CSDE1: variants seen among roughly 807,000 people sequenced by gnomAD.
CSDE1 encodes cold shock domain-containing protein E1.
In CSDE1, 17 loss-of-function variants were observed where a neutral mutation model predicts 89.3. The ratio of observed to expected loss-of-function variants is 0.19; its 90% CI spans 0.13 to 0.29. The LOEUF (loss-of-function observed/expected upper bound fraction) is 0.29, where lower values mean the gene tolerates loss of function less well. Among genes scored for constraint, CSDE1 ranks in the 10% least tolerant of loss-of-function variants. The pLI is 1.00. For missense variants in CSDE1, 672 were observed against 984.2 expected (o/e 0.68, Z 4.24); for synonymous variants, 322 against 332.8 (o/e 0.97, Z 0.35).
At position 114,720,737 on chromosome 1, in the gene CSDE1, T is replaced by G; in HGVS notation, c.1874-20A>C. 1 of 1,611,516 alleles carries G rather than the reference T, an allele frequency of 6.2e-7. No homozygotes were observed. The highest frequency in any genetic ancestry group is 8.5e-7 in the Non-Finnish European group (1 of 1,178,152). ...TATCGCCTGTAAAACAGGTACAAAG[T>G]CTAAAAGCTAGTATTTCACAACAGT... On this transcript the variant is annotated intron_variant, in intron 16 of 19. Coordinates refer to ENST00000358528, the MANE Select transcript of CSDE1 (RefSeq NM_001007553.3).
chr1:114,723,755 A>G (rs1659653155), intron 16 of CSDE1, 128 bp downstream of exon 16: 7 of 1,276,746 alleles, frequency 5.5e-6, no homozygotes, highest in African/African-American at 1.5e-5. Context: ...AGCATGAGAG[A>G]GGTCACTTTT....
At chr1:114,726,667 A>G (rs530537500) in intron 13 of CSDE1, among the ~76,000 whole-genome samples, 10 of 152,366 alleles carry the variant, frequency 6.6e-5, no homozygotes, top group African/African-American at 2.2e-4. Context: ...AAAATGAACA[A>G]CAACGTAAAA....
At position 114,719,618 on chromosome 1, in the gene CSDE1, C is replaced by T. The variant is rs760135633; in HGVS notation, c.2177G>A (p.Arg726His). ...ATTACAGGCGCTGCACTTGCCAGTG[C>T]GCTGATTAAGAATCACTGAGAACTC... ...EVEFSVILNQRTGKCSACNVW... is the reference protein window; with the variant it reads ...EVEFSVILNQHTGKCSACNVW... Residue 726 changes from arginine (R) to histidine (H), a missense_variant, in exon 18 of 20, where the codon CGC becomes CAC. By Grantham distance (29) the Arg-to-His change is conservative. Around this residue, in one of 8 missense-constraint regions of CSDE1, gnomAD observed 206 missense variants for 332.4 expected, o/e 0.62. Coordinates refer to ENST00000358528, the MANE Select transcript of CSDE1 (RefSeq NM_001007553.3). 4 of 1,613,982 alleles carry T rather than the reference C, an allele frequency of 2.5e-6. No homozygotes were observed. Among genetic ancestry groups the T allele is most frequent in the Non-Finnish European group, 3.4e-6 (4 of 1,179,896 alleles).
chr1:114,721,767 G>A (rs1659536787), intron 16 of CSDE1, among the ~76,000 whole-genome samples: 1 of 152,004 alleles, frequency 6.6e-6, no homozygotes, highest in Non-Finnish European at 1.5e-5. Flanking sequence ...TGCATTTTTT[G>A]TAGAGACAGG....
rs376774817 is a variant in CSDE1 at position 114,733,648 on chromosome 1, A to G, written c.837+84T>C. 185 of 1,254,786 alleles carry G rather than the reference A, an allele frequency of 1.5e-4. 1 individual carries two copies. In the South Asian group the frequency reaches 2.6e-3, roughly 17 times the overall value. The allele number at this position is 1,254,786 out of a possible 1,614,324, so 77.7% of individuals were successfully genotyped here. On this transcript the variant is annotated intron_variant, in intron 9 of 19. Transcript: ENST00000358528. ...TCCACTACCACATTATATTAACTGA[A>G]TAAGATAAAATCTCAGTATACCACA...
At chr1:114,722,704 C>T (rs1557989901) in intron 16 of CSDE1, among the ~76,000 whole-genome samples, 2 of 152,134 alleles carry the variant, frequency 1.3e-5, no homozygotes, top group East Asian at 1.9e-4. Flanking sequence ...GTAAAAGCAG[C>T]ACGTTAGGAG....
intron 3 of CSDE1, 60 bp downstream of exon 3, chr1:114,739,632 A>G (rs1660610631): frequency 2.1e-6 from 3 of 1,448,090 alleles, no homozygotes; most frequent in Admixed American, 3.5e-5. Flanking sequence ...CTCATGAACA[A>G]ATTGATATGC....
intron 12 of CSDE1, among the ~76,000 whole-genome samples, chr1:114,728,532 AG>A (rs1570907618): frequency 6.6e-6 from 1 of 152,216 alleles, no homozygotes; most frequent in East Asian, 1.9e-4. Context: ...GGACTAAGAA[AG>A]AAAAAAAAAC....
Position 114,737,767 on chromosome 1 carries a change from C to T in CSDE1, c.309+196G>A, listed in dbSNP as rs536623754. Among the ~76,000 whole-genome samples, 3 of 152,156 alleles carry T rather than the reference C, an allele frequency of 2.0e-5. No homozygotes were observed. In the East Asian group the frequency reaches 5.8e-4, roughly 29 times the overall value. On this transcript the variant is annotated intron_variant, in intron 4 of 19. Coordinates refer to ENST00000358528, the MANE Select transcript of CSDE1 (RefSeq NM_001007553.3). ...TTGACTCAGGGTTATATGTAAAAAC[C>T]CAATTGAGTCTTGACCATATTTTTA...
intron 18 of CSDE1, 26 bp downstream of exon 18, chr1:114,719,553 A>T: frequency 6.2e-7 from 1 of 1,607,838 alleles, no homozygotes; most frequent in Non-Finnish European, 8.5e-7. Context: ...GGTAGTTACT[A>T]ATCAAACCAC....
At chr1:114,718,292 G>T in intron 19 of CSDE1, 76 bp from the exon 20 acceptor site, 4 of 1,474,250 alleles carry the variant, frequency 2.7e-6, no homozygotes, top group Non-Finnish European at 3.8e-6. Context: ...TCACTATTCC[G>T]AAATGAAACT....
intron 1 of CSDE1, among the ~76,000 whole-genome samples, chr1:114,752,077 C>A (rs1057470633): frequency 6.6e-6 from 1 of 152,080 alleles, no homozygotes; most frequent in African/African-American, 2.4e-5. Flanking sequence ...CCAGCCTGGG[C>A]AACGTGGAGA....
At chr1:114,734,923 C>T (rs1340361321) in intron 6 of CSDE1, among the ~76,000 whole-genome samples, 1 of 152,166 alleles carries the variant, frequency 6.6e-6, no homozygotes, top group Non-Finnish European at 1.5e-5. Flanking sequence ...ATTAAACAAA[C>T]ATTTGTGTAG....
At chr1:114,753,779 G>A (rs565089231) in intron 1 of CSDE1, among the ~76,000 whole-genome samples, 3 of 152,214 alleles carry the variant, frequency 2.0e-5, no homozygotes, top group African/African-American at 2.4e-5. Flanking sequence ...CACTGGGTGT[G>A]GTGGCATGCA....
At position 114,733,713 on chromosome 1, in the gene CSDE1, C is replaced by T. The variant is rs370521867; in HGVS notation, c.837+19G>A. 34 of 1,609,516 alleles carry T rather than the reference C, an allele frequency of 2.1e-5. No homozygotes were observed. The highest frequency in any genetic ancestry group is 2.8e-5 in the Non-Finnish European group (33 of 1,178,036). On this transcript the variant is annotated intron_variant, in intron 9 of 19. Coordinates refer to ENST00000358528, the MANE Select transcript of CSDE1 (RefSeq NM_001007553.3). ...TACTACTGAGGCGAAATAGGACTCTCCTGAAAAAGATTATTTACCTGGTTT... is the reference window on the plus strand; with the variant it reads ...TACTACTGAGGCGAAATAGGACTCTTCTGAAAAAGATTATTTACCTGGTTT...
At chr1:114,743,402 G>A (rs1046951408) in intron 2 of CSDE1, among the ~76,000 whole-genome samples, 1 of 152,148 alleles carries the variant, frequency 6.6e-6, no homozygotes, top group African/African-American at 2.4e-5. Flanking sequence ...ATGTTGACCA[G>A]GCTGTTCTCG....
In CSDE1 at chr1:114,720,682, C is replaced by G; in HGVS notation, c.1909G>C (p.Val637Leu). The G allele has an allele frequency of 6.2e-7, 1 of 1,614,174 alleles. No homozygotes were observed. Among genetic ancestry groups the G allele is most frequent in the Non-Finnish European group, 8.5e-7 (1 of 1,180,024 alleles). The part of the protein sequence containing the change: ...MKGEVYPFGI[V>L]GMANKGDCLQ... Reference sequence around the variant, plus strand: ...CAATCCCCTTTGTTGGCCATCCCAACGATGCCAAATGGATAGACCTCACCT... The same window carrying G: ...CAATCCCCTTTGTTGGCCATCCCAAGGATGCCAAATGGATAGACCTCACCT... Residue 637 changes from valine to leucine, a missense_variant, in exon 17 of 20, where the codon GTT becomes CTT. By Grantham distance (32) the Val-to-Leu change is conservative. Around this residue, in one of 8 missense-constraint regions of CSDE1, gnomAD observed 206 missense variants for 332.4 expected, o/e 0.62. Coordinates refer to ENST00000358528, the MANE Select transcript of CSDE1 (RefSeq NM_001007553.3).
intron 2 of CSDE1, among the ~76,000 whole-genome samples, chr1:114,742,815 A>G (rs1037016897): frequency 3.9e-5 from 6 of 152,176 alleles, no homozygotes; most frequent in African/African-American, 1.4e-4. Flanking sequence ...CAACACACAA[A>G]TGTAGATTTC....
Position 114,719,619 on chromosome 1 carries a change from G to A in CSDE1, c.2176C>T (p.Arg726Cys), listed in dbSNP as rs1659399353. ...EVEFSVILNQ[R>C]TGKCSACNVW... Reference sequence around the variant, plus strand: ...TTACAGGCGCTGCACTTGCCAGTGCGCTGATTAAGAATCACTGAGAACTCC... The same window carrying A: ...TTACAGGCGCTGCACTTGCCAGTGCACTGATTAAGAATCACTGAGAACTCC... Residue 726 changes from arginine to cysteine, a missense_variant, in exon 18 of 20, where the codon CGC (arginine) becomes TGC (cysteine). Arg to Cys is a radical substitution (Grantham distance 180). Coordinates refer to ENST00000358528, the MANE Select transcript of CSDE1 (RefSeq NM_001007553.3). 6.2e-7 allele frequency: 1 copy of A among 1,613,966 alleles called. No individual in the cohort carries two copies. Among genetic ancestry groups the A allele is most frequent in the Non-Finnish European group, 8.5e-7 (1 of 1,179,888 alleles).
Sources: allele counts gnomAD v4.1 joint callset (sites outside exome capture counted in the v4.1 genomes callset), GRCh38; gene constraint gnomAD v4.1.1; regional missense constraint gnomAD v4.1.1; transcripts MANE v1.5; gene names NCBI Gene and HGNC (gene_info 2026-07-23, HGNC 2026-07-21).